The following TACC1 variants were observed in gnomAD, a reference collection of about 807,000 sequenced individuals.
The protein encoded by TACC1 is transforming acidic coiled-coil containing protein 1.
A neutral mutation model predicts 84.4 loss-of-function variants in TACC1; 48 were observed. That is an observed-to-expected ratio of 0.57 (90% CI 0.45 to 0.72). The LOEUF (loss-of-function observed/expected upper bound fraction) is 0.72, where lower values mean the gene tolerates loss of function less well. Ranked by LOEUF, TACC1 falls within the 30% of genes least tolerant of loss-of-function variation. The pLI is 0.00. For synonymous variants in TACC1, 372 were observed against 376.3 expected (o/e 0.99, Z 0.13); for missense variants, 920 against 973.0 (o/e 0.95, Z 0.72).
intron 2 of TACC1, among the ~76,000 whole-genome samples, chr8:38,742,681 T>G (rs1213735554): frequency 2.0e-5 from 3 of 152,184 alleles, no homozygotes; most frequent in Non-Finnish European, 4.4e-5. Flanking sequence ...TTCTGCTGCA[T>G]AGAATATATT....
exon 2 of TACC1, chr8:38,742,354 C>G (rs1421038522): frequency 7.1e-7 from 1 of 1,405,490 alleles, no homozygotes; most frequent in East Asian, 2.6e-5. Flanking sequence ...CTTCCAGTCC[C>G]AAGGGTTCCA....
At chr8:38,792,284 C>T (rs1182353769) in intron 2 of TACC1, among the ~76,000 whole-genome samples, 1 of 152,112 alleles carries the variant, frequency 6.6e-6, no homozygotes, top group African/African-American at 2.4e-5. Context: ...TGAGGAGGTA[C>T]AATCTCAAGT....
chr8:38,781,280 T>C (rs907318582), intron 3 of TACC1, among the ~76,000 whole-genome samples: 1 of 152,210 alleles, frequency 6.6e-6, no homozygotes, highest in Non-Finnish European at 1.5e-5. Flanking sequence ...ATATGATTAA[T>C]GTTCTACTAA....
At chr8:38,815,388 T>G (rs1341829186) in intron 2 of TACC1, among the ~76,000 whole-genome samples, 5 of 152,218 alleles carry the variant, frequency 3.3e-5, no homozygotes, top group African/African-American at 1.2e-4. Context: ...AAACAAAAAT[T>G]ATGTGGACTC....
chr8:38,824,021 C>T (rs1827476935), intron 3 of TACC1: 1 of 1,351,916 alleles, frequency 7.4e-7, no homozygotes, highest in African/African-American at 1.5e-5. Flanking sequence ...TCTCTGTTTT[C>T]TGTTGTAAGT....
At position 38,831,141 on chromosome 8, in the gene TACC1, G is replaced by A. The variant is rs760358625; in HGVS notation, c.1677G>A (p.Thr559=). Residue 559 remains threonine (T), a synonymous_variant, in exon 6 of 13, where the codon ACG becomes ACA. Transcript: ENST00000317827. Reference sequence around the variant, plus strand: ...CTGTCTTAGGCATAGAGAAGGAGACGTGCCAGAAGATGGAAGAAGACGGGT... The same window carrying A: ...CTGTCTTAGGCATAGAGAAGGAGACATGCCAGAAGATGGAAGAAGACGGGT... The part of the protein sequence containing the change: ...SSSEAGIEKE[T]CQKMEEDGST... The A allele has an allele frequency of 2.9e-5, 47 of 1,614,218 alleles. 1 individual carries two copies. The highest frequency in any genetic ancestry group is 2.0e-4 in the Admixed American group (12 of 60,034).
intron 3 of TACC1, among the ~76,000 whole-genome samples, chr8:38,774,224 C>T (rs543259942): frequency 2.6e-5 from 4 of 152,308 alleles, no homozygotes; most frequent in South Asian, 4.1e-4. Context: ...CCACCGATGC[C>T]GTCCACCAGC....
chr8:38,819,502 G>T lies in TACC1; in HGVS notation c.278-20G>T, dbSNP rs761788260. 4.4e-6 allele frequency: 7 copies of T among 1,589,516 alleles called. No individual in the cohort carries two copies. The highest frequency in any genetic ancestry group is 6.0e-6 in the Non-Finnish European group (7 of 1,166,428). ...GTGACAGATAATTCTTTAATAGATG[G>T]TTTTTGTGTTTCATTTTAGAATCAC... is the stretch of plus-strand genomic sequence containing the variant. On this transcript the variant is annotated intron_variant, in intron 2 of 12. Coordinates refer to ENST00000317827, the MANE Select transcript of TACC1 (RefSeq NM_006283.3).
rs769271462 is a variant in TACC1, at chr8:38,820,031, T to C, written c.787T>C (p.Ser263Pro). ...AVEGTPLPKA[S>P]YHFSPEELDE... ...GGAGGGCACACCTCTCCCCAAGGCA[T>C]CCTATCACTTCAGTCCTGAAGAGTT... Residue 263 changes from serine (S) to proline (P), a missense_variant, in exon 3 of 13, where the codon TCC becomes CCC. Ser to Pro is a moderately conservative substitution (Grantham distance 74). This residue lies in a region of TACC1 where 762 missense variants were observed against 747.3 expected (regional missense o/e 1.02). Transcript: ENST00000317827. 21 of 1,613,954 alleles carry C rather than the reference T, an allele frequency of 1.3e-5. No homozygotes were observed. Among genetic ancestry groups the C allele is most frequent in the Admixed American group, 6.7e-5 (4 of 60,002 alleles).
At chr8:38,806,686 TG>T (rs1209551042) in intron 2 of TACC1, among the ~76,000 whole-genome samples, 1 of 152,168 alleles carries the variant, frequency 6.6e-6, no homozygotes, top group Non-Finnish European at 1.5e-5. Flanking sequence ...TGTTTCTTAC[TG>T]CTCAGTAGAC....
At chr8:38,825,270 A>G (rs757196346) in intron 3 of TACC1, 38 bp from the exon 4 acceptor site, 2 of 1,611,740 alleles carry the variant, frequency 1.2e-6, no homozygotes. Flanking sequence ...TGTCAGTGTG[A>G]TTGCAAACTG....
At chr8:38,744,448 C>T (rs1157558710) in intron 2 of TACC1, among the ~76,000 whole-genome samples, 2 of 152,100 alleles carry the variant, frequency 1.3e-5, no homozygotes, top group African/African-American at 2.4e-5. Flanking sequence ...TTGACTAGAA[C>T]CTAGTTACTT....
intron 2 of TACC1, among the ~76,000 whole-genome samples, chr8:38,819,144 C>T (rs574217334): frequency 2.0e-5 from 3 of 152,334 alleles, no homozygotes; most frequent in East Asian, 3.9e-4. Context: ...ACCAATCTGC[C>T]TCCCTGCACC....
intron 2 of TACC1, among the ~76,000 whole-genome samples, chr8:38,809,124 G>C (rs998256811): frequency 2.6e-5 from 4 of 152,018 alleles, no homozygotes; most frequent in Non-Finnish European, 2.9e-5. Context: ...TTTTCCTTCT[G>C]CATTCCACCA....
intron 8 of TACC1, 181 bp from the exon 9 acceptor site, chr8:38,840,043 G>C: frequency 3.1e-6 from 1 of 324,728 alleles, no homozygotes; most frequent in East Asian, 5.0e-5. Flanking sequence ...AGAACCTTAA[G>C]AAACCTTATA....
intron 3 of TACC1, among the ~76,000 whole-genome samples, chr8:38,769,437 G>T (rs1451354955): frequency 6.1e-5 from 9 of 147,258 alleles, no homozygotes; most frequent in African/African-American, 2.2e-4. Flanking sequence ...GTGGGGGGGT[G>T]TGGTGTGTAT....
intron 4 of TACC1, among the ~76,000 whole-genome samples, chr8:38,826,515 T>A (rs1350095166): frequency 2.6e-5 from 4 of 151,988 alleles, no homozygotes; most frequent in Non-Finnish European, 4.4e-5. Flanking sequence ...GCAGAAAAAA[T>A]TTTAAGACTT....
In TACC1 at chr8:38,787,318, G is replaced by T. The variant is rs1025809554; in HGVS notation, c.-265G>T. 3.2e-6 allele frequency: 4 copies of T among 1,240,848 alleles called. No individual in the cohort carries two copies. Among genetic ancestry groups the T allele is most frequent in the Non-Finnish European group, 4.0e-6 (4 of 990,298 alleles). The allele number at this position is 1,240,848 out of a possible 1,614,324, so 76.9% of individuals were successfully genotyped here. Reference sequence around the variant, plus strand: ...GGGGGCCTGAGGAGGCCACAGGACGGGCGTCTTCCCGGCTAGTGGAGCCCG... The same window carrying T: ...GGGGGCCTGAGGAGGCCACAGGACGTGCGTCTTCCCGGCTAGTGGAGCCCG... On this transcript the variant is annotated 5_prime_UTR_variant, in exon 1 of 13. Coordinates refer to ENST00000317827, the MANE Select transcript of TACC1 (RefSeq NM_006283.3).
intron 3 of TACC1, among the ~76,000 whole-genome samples, chr8:38,750,906 CT>C (rs1047663605): frequency 1.2e-4 from 18 of 151,458 alleles, no homozygotes; most frequent in East Asian, 7.7e-4. Context: ...AAAATCGTAA[CT>C]TTTTTTTTGA....
Sources: gnomAD v4.1 joint callset for allele counts (sites outside exome capture counted in the v4.1 genomes callset) on GRCh38, gnomAD v4.1.1 for gene constraint, gnomAD v4.1.1 regional missense constraint, MANE v1.5 for transcripts, NCBI Gene and HGNC (gene_info 2026-07-23, HGNC 2026-07-21) for gene names.